MAPKAP1: variants seen among roughly 807,000 people sequenced by gnomAD.
MAPKAP1 encodes the protein target of rapamycin complex 2 subunit MAPKAP1.
Under a neutral mutation model 65.7 loss-of-function variants are expected in MAPKAP1, and 20 were observed. That is an observed-to-expected ratio of 0.30 (90% CI 0.21 to 0.44). The LOEUF is 0.44. Among genes scored for constraint, MAPKAP1 ranks in the 20% least tolerant of loss-of-function variants. The pLI is 1.00. For synonymous variants in MAPKAP1, 222 were observed against 244.3 expected (o/e 0.91, Z 0.85); for missense variants, 423 against 648.0 (o/e 0.65, Z 3.77).
intron 10 of MAPKAP1, among the ~76,000 whole-genome samples, 169 bp downstream of exon 10, chr9:125,467,803 T>C (rs1273135989): frequency 6.6e-6 from 1 of 152,206 alleles, no homozygotes; most frequent in Non-Finnish European, 1.5e-5. Context: ...TGTCAGGCTC[T>C]GGGCACCATA....
chr9:125,683,875 T>A (rs1228243013), intron 1 of MAPKAP1, among the ~76,000 whole-genome samples: 1 of 152,254 alleles, frequency 6.6e-6, no homozygotes, highest in African/African-American at 2.4e-5. Context: ...GCAATTTCAC[T>A]ACCTCTTCCC....
intron 4 of MAPKAP1, among the ~76,000 whole-genome samples, chr9:125,604,756 G>GA (rs1348525352): frequency 1.3e-5 from 2 of 152,194 alleles, no homozygotes; most frequent in Admixed American, 6.5e-5. Context: ...TGTGTGTACT[G>GA]AAAATCAACA....
At chr9:125,514,821 C>T (rs528611210) in intron 7 of MAPKAP1, among the ~76,000 whole-genome samples, 1 of 152,270 alleles carries the variant, frequency 6.6e-6, no homozygotes, top group South Asian at 2.1e-4. Flanking sequence ...CGTGCCAAGC[C>T]TTGACTACTC....
In MAPKAP1 at chr9:125,467,993, G is replaced by C. The variant is rs1156728371; in HGVS notation, c.1324C>G (p.Leu442Val). 1 of 1,614,030 alleles carries C rather than the reference G, an allele frequency of 6.2e-7. No individual in the cohort carries two copies. Among genetic ancestry groups the C allele is most frequent in the Non-Finnish European group, 8.5e-7 (1 of 1,180,034 alleles). The change falls in exon 10 of 12, where the codon CTT (leucine) becomes GTT (valine). Residue 442 changes from leucine (L) to valine (V), a missense_variant. Physicochemically the swap from Leu to Val is conservative, Grantham distance 32. Transcript: ENST00000265960. The part of the protein sequence containing the change: ...IDSDLLCACD[L>V]AEEKSPSHAI... The stretch of plus-strand genomic sequence containing the variant: ...TCACTGGGGCTTTTCTCTTCAGCAA[G>C]GTCACAGGCACAGAGCAGGTCGGAA...
At chr9:125,666,725 G>A (rs933872809) in intron 3 of MAPKAP1, among the ~76,000 whole-genome samples, 4 of 152,186 alleles carry the variant, frequency 2.6e-5, no homozygotes, top group African/African-American at 4.8e-5. Context: ...GAGTACGTTT[G>A]TGGGAGATGT....
chr9:125,467,947 G>A lies in MAPKAP1; in HGVS notation c.1345+25C>T, dbSNP rs373471074. 3.9e-5 allele frequency: 63 copies of A among 1,611,202 alleles called. No individual in the cohort carries two copies. The African/African-American group carries it at 7.8e-4, about 20-fold the overall frequency. ...GAAGAGAGGGGAAAGAGAGAAAGGA[G>A]ACATAAATAAAAGGGACTACTCACT... On this transcript the variant is annotated intron_variant, in intron 10 of 11. Transcript: ENST00000265960.
At chr9:125,495,793 G>A (rs577828154) in intron 8 of MAPKAP1, among the ~76,000 whole-genome samples, 2 of 152,336 alleles carry the variant, frequency 1.3e-5, no homozygotes, top group East Asian at 3.9e-4. Context: ...TTTGCCCCAG[G>A]TGTCAGCTAC....
At chr9:125,588,999 T>C (rs532356517) in intron 4 of MAPKAP1, among the ~76,000 whole-genome samples, 5 of 152,168 alleles carry the variant, frequency 3.3e-5, no homozygotes, top group Admixed American at 1.3e-4. Flanking sequence ...GCAGGTGCTG[T>C]TCACTGTATC....
chr9:125,581,392 G>A (rs1445212646), intron 5 of MAPKAP1, among the ~76,000 whole-genome samples: 2 of 152,202 alleles, frequency 1.3e-5, no homozygotes, highest in Non-Finnish European at 2.9e-5. Context: ...TATTTCAGCT[G>A]TTCTAATAGC....
chr9:125,592,409 G>A (rs1342934984), intron 4 of MAPKAP1, among the ~76,000 whole-genome samples: 1 of 151,924 alleles, frequency 6.6e-6, no homozygotes, highest in African/African-American at 2.4e-5. Flanking sequence ...TTAATTTTCT[G>A]GTTTATAGTT....
intron 9 of MAPKAP1, among the ~76,000 whole-genome samples, chr9:125,479,069 C>T (rs899233035): frequency 6.6e-6 from 1 of 152,138 alleles, no homozygotes; most frequent in African/African-American, 2.4e-5. Flanking sequence ...ACCCCAGTTT[C>T]ATCATATAAA....
chr9:125,562,951 C>T (rs2131512827), intron 5 of MAPKAP1, among the ~76,000 whole-genome samples: 1 of 152,300 alleles, frequency 6.6e-6, no homozygotes, highest in East Asian at 1.9e-4. Context: ...TCCTGAGGCA[C>T]TTGAGAACCC....
At chr9:125,543,274 G>A in intron 6 of MAPKAP1, 106 bp from the exon 7 acceptor site, 1 of 853,332 alleles carries the variant, frequency 1.2e-6, no homozygotes, top group Admixed American at 2.1e-5. Context: ...TGTTTGTTTT[G>A]TTTTGTTTTT....
intron 9 of MAPKAP1, among the ~76,000 whole-genome samples, chr9:125,480,795 A>AC (rs1854280772): frequency 6.6e-6 from 1 of 151,652 alleles, no homozygotes; most frequent in Non-Finnish European, 1.5e-5. Flanking sequence ...ACATGGTGAA[A>AC]CCCCGTCTCT....
chr9:125,579,031 A>C (rs1310298205), intron 5 of MAPKAP1, among the ~76,000 whole-genome samples: 3 of 152,230 alleles, frequency 2.0e-5, no homozygotes, highest in Non-Finnish European at 2.9e-5. Flanking sequence ...AAATTCAATA[A>C]AGAATAACAA....
At chr9:125,698,310 T>TATAAA (rs1835481114) in intron 1 of MAPKAP1, among the ~76,000 whole-genome samples, 1 of 45,134 alleles carries the variant, frequency 2.2e-5, no homozygotes, top group African/African-American at 6.7e-5. Flanking sequence ...TATATATATA[T>TATAAA]ATATATATAT....
At chr9:125,568,328 T>C in intron 5 of MAPKAP1, among the ~76,000 whole-genome samples, 1 of 152,188 alleles carries the variant, frequency 6.6e-6, no homozygotes, top group East Asian at 1.9e-4. Context: ...AGGCATGTAC[T>C]GGATCGTGGG....
At chr9:125,561,404 T>C (rs1331414462) in intron 5 of MAPKAP1, among the ~76,000 whole-genome samples, 2 of 152,248 alleles carry the variant, frequency 1.3e-5, no homozygotes, top group African/African-American at 4.8e-5. Context: ...ATGGAAACTG[T>C]AAATTTGCTA....
chr9:125,454,698 T>A (rs1853101537), intron 10 of MAPKAP1, among the ~76,000 whole-genome samples: 1 of 152,234 alleles, frequency 6.6e-6, no homozygotes, highest in African/African-American at 2.4e-5. Context: ...TTATTTTTGG[T>A]CAACTCTTGT....
Sources: allele counts gnomAD v4.1 joint callset (sites outside exome capture counted in the v4.1 genomes callset), GRCh38; gene constraint gnomAD v4.1.1; transcripts MANE v1.5; gene names NCBI Gene and HGNC (gene_info 2026-07-23, HGNC 2026-07-21).